TENM3: variants seen among roughly 807,000 people sequenced by gnomAD.
The protein encoded by TENM3 is teneurin-3.
In TENM3, 63 loss-of-function variants were observed where a neutral mutation model predicts 255.1. The observed-to-expected ratio is 0.25, with a 90% confidence interval of 0.20 to 0.30. The LOEUF is 0.30. Ranked by LOEUF, TENM3 falls within the 10% of genes least tolerant of loss-of-function variation. TENM3 has a pLI of 1.00. For missense variants in TENM3, 2,929 were observed against 3,461.1 expected (o/e 0.85, Z 3.86); for synonymous variants, 1,306 against 1,322.3 (o/e 0.99, Z 0.27).
the TENM3 span, among the ~76,000 whole-genome samples, chr4:181,895,867 C>A: frequency 1.3e-5 from 2 of 151,958 alleles, no homozygotes; most frequent in African/African-American, 4.8e-5. Flanking sequence ...CTATATAAAC[C>A]TTTCCCCTCC....
chr4:182,110,143 A>G, the TENM3 span, among the ~76,000 whole-genome samples: 2 of 150,592 alleles, frequency 1.3e-5, no homozygotes, highest in Non-Finnish European at 2.9e-5. Context: ...CATGAAATTC[A>G]CAGTTCAGTG....
intron 4 of TENM3, among the ~76,000 whole-genome samples, chr4:182,623,739 G>A (rs2090132): frequency 0.35 from 52,627 of 151,912 alleles, 10,684 homozygotes; most frequent in African/African-American, 0.56. Context: ...GGAGCTTCTG[G>A]TGTTACACTC....
At chr4:181,775,832 A>G in the TENM3 span, among the ~76,000 whole-genome samples, 1 of 152,268 alleles carries the variant, frequency 6.6e-6, no homozygotes, top group East Asian at 1.9e-4. Flanking sequence ...GGTACATGTA[A>G]TATTTTGTTA....
the TENM3 span, among the ~76,000 whole-genome samples, chr4:181,693,553 G>A: frequency 1.3e-5 from 2 of 152,142 alleles, no homozygotes; most frequent in Non-Finnish European, 2.9e-5. Context: ...AAGAAGCGGC[G>A]CAGTGAATTA....
the TENM3 span, among the ~76,000 whole-genome samples, chr4:181,692,605 A>G: frequency 6.6e-6 from 1 of 152,196 alleles, no homozygotes; most frequent in East Asian, 1.9e-4. Flanking sequence ...CATTAATTGT[A>G]AAAATCTGTG....
At chr4:181,498,548 A>G in the TENM3 span, among the ~76,000 whole-genome samples, 3 of 151,876 alleles carry the variant, frequency 2.0e-5, no homozygotes, top group Non-Finnish European at 4.4e-5. Context: ...ATCAGTGGGA[A>G]AATTATAGCT....
intron 1 of TENM3, among the ~76,000 whole-genome samples, chr4:182,292,949 C>T (rs1160762363): frequency 6.6e-6 from 1 of 152,150 alleles, no homozygotes; most frequent in Non-Finnish European, 1.5e-5. Context: ...ACAACATGCT[C>T]AGAGACCCAG....
the TENM3 span, among the ~76,000 whole-genome samples, chr4:181,656,715 G>T: frequency 6.6e-6 from 1 of 152,164 alleles, no homozygotes; most frequent in Non-Finnish European, 1.5e-5. Flanking sequence ...CAGGGGTGGA[G>T]CTATGAACTG....
the TENM3 span, among the ~76,000 whole-genome samples, chr4:181,586,239 C>A: frequency 1.3e-5 from 2 of 152,142 alleles, no homozygotes; most frequent in East Asian, 3.9e-4. Flanking sequence ...TGTCGGTTCT[C>A]ACGCAGCTAA....
intron 1 of TENM3, among the ~76,000 whole-genome samples, chr4:182,201,702 G>A (rs981859043): frequency 1.3e-5 from 2 of 152,126 alleles, no homozygotes; most frequent in African/African-American, 4.8e-5. Flanking sequence ...CAGAGCTACT[G>A]GAAGCCCCCC....
At chr4:182,033,438 T>G in the TENM3 span, among the ~76,000 whole-genome samples, 12 of 152,340 alleles carry the variant, frequency 7.9e-5, no homozygotes, top group East Asian at 2.3e-3. Context: ...TTGCATTTGC[T>G]GAGGAGTGTT....
chr4:182,704,283 A>G (rs905537381), intron 12 of TENM3, among the ~76,000 whole-genome samples: 1 of 152,188 alleles, frequency 6.6e-6, no homozygotes, highest in South Asian at 2.1e-4. Context: ...CACACAAGGC[A>G]TCTCTTTGCA....
At chr4:181,832,562 T>C in the TENM3 span, among the ~76,000 whole-genome samples, 2 of 152,296 alleles carry the variant, frequency 1.3e-5, no homozygotes, top group African/African-American at 4.8e-5. Context: ...AGGCTAAATA[T>C]CTATGACACA....
At chr4:182,102,153 C>T in the TENM3 span, among the ~76,000 whole-genome samples, 1 of 152,086 alleles carries the variant, frequency 6.6e-6, no homozygotes, top group Non-Finnish European at 1.5e-5. Context: ...GTGTAGGAGC[C>T]CAGATGTGTA....
chr4:182,784,280 C>T (rs1765425477), intron 24 of TENM3, among the ~76,000 whole-genome samples: 1 of 152,008 alleles, frequency 6.6e-6, no homozygotes, highest in African/African-American at 2.4e-5. Context: ...ACAGAGAGGA[C>T]CCTCAGCTGC....
the TENM3 span, among the ~76,000 whole-genome samples, chr4:182,090,350 A>G: frequency 6.6e-6 from 1 of 152,254 alleles, no homozygotes; most frequent in South Asian, 2.1e-4. Context: ...CCTGGTTTTT[A>G]TCAGACCAGC....
At chr4:182,241,162 A>G (rs1179503135), upstream of TENM3, among the ~76,000 whole-genome samples, 1 of 152,156 alleles carries the variant, frequency 6.6e-6, no homozygotes, top group Admixed American at 6.5e-5. Flanking sequence ...GTGAATCGTT[A>G]TAGCTTCTCT....
At chr4:181,979,055 A>T in the TENM3 span, among the ~76,000 whole-genome samples, 1 of 136,436 alleles carries the variant, frequency 7.3e-6, no homozygotes, top group Non-Finnish European at 1.6e-5. Flanking sequence ...ACTATTCTAC[A>T]TTTTTGTTGA....
upstream of TENM3, among the ~76,000 whole-genome samples, chr4:182,140,802 C>G (rs1190248834): frequency 1.3e-5 from 2 of 152,144 alleles, no homozygotes; most frequent in East Asian, 3.9e-4. Flanking sequence ...AAAGGGAAGG[C>G]GCATGTGATG....
Sources: gnomAD v4.1 joint callset for allele counts (sites outside exome capture counted in the v4.1 genomes callset) on GRCh38, gnomAD v4.1.1 for gene constraint, MANE v1.5 for transcripts, NCBI Gene and HGNC (gene_info 2026-07-23, HGNC 2026-07-21) for gene names.